The following THEMIS variants were observed in gnomAD, a reference collection of about 807,000 sequenced individuals.
THEMIS encodes the protein protein THEMIS.
Under a neutral mutation model 52.6 loss-of-function variants are expected in THEMIS, and 37 were observed. That is an observed-to-expected ratio of 0.70 (90% confidence interval 0.54 to 0.93). The LOEUF (loss-of-function observed/expected upper bound fraction) is 0.93, where lower values mean the gene tolerates loss of function less well. THEMIS is among the 40% of genes least tolerant of loss of function. The probability of loss-of-function intolerance (pLI) is 0.00; values close to 1 mark genes in which losing one functional copy is unlikely to be tolerated. For missense variants in THEMIS, 808 were observed against 763.1 expected, an observed-to-expected ratio of 1.06 and a Z score of -0.69; for synonymous variants, 292 against 272.7, an observed-to-expected ratio of 1.07 and a Z score of -0.70.
intron 4 of THEMIS, among the ~76,000 whole-genome samples, chr6:127,743,806 T>C (rs1257358930): frequency 6.6e-6 from 1 of 152,090 alleles, no homozygotes; most frequent in Non-Finnish European, 1.5e-5. Context: ...TTGAATACAA[T>C]ATATAAATAG....
intron 5 of THEMIS, among the ~76,000 whole-genome samples, chr6:127,718,733 G>A (rs527707342): frequency 6.6e-6 from 1 of 151,976 alleles, no homozygotes; most frequent in South Asian, 2.1e-4. Context: ...TGCAATATGC[G>A]TGATTTTCAA....
intron 1 of THEMIS, among the ~76,000 whole-genome samples, chr6:127,890,836 T>C (rs1780782424): frequency 6.6e-6 from 1 of 152,104 alleles, no homozygotes; most frequent in Non-Finnish European, 1.5e-5. Context: ...TTCTTTTTTA[T>C]AATTTTATTA....
intron 2 of THEMIS, among the ~76,000 whole-genome samples, chr6:127,838,380 C>A (rs1341328228): frequency 5.3e-5 from 8 of 152,018 alleles, no homozygotes; most frequent in Admixed American, 5.2e-4. Flanking sequence ...ATTTGAATTT[C>A]TTCTAAGCTT....
In THEMIS at chr6:127,830,687, C is replaced by CA. The variant is rs577155316; in HGVS notation, c.251-754dup. ...GGCAACAGAGTGAGACTCTGTCTCT[C>CA]AAAAAAAAATAAAAAATAAAAAATA... is the stretch of plus-strand genomic sequence containing the variant. On this transcript the variant is annotated intron_variant, in intron 2 of 5. Coordinates refer to ENST00000368248, the MANE Select transcript of THEMIS (RefSeq NM_001010923.3). Among the ~76,000 whole-genome samples the CA allele has an allele frequency of 9.9e-3, 1,417 of 143,596 alleles. 11 individuals are homozygous for CA. Among genetic ancestry groups the CA allele is most frequent in the Non-Finnish European group, 0.015 (986 of 65,766 alleles). 94.2% of individuals were successfully genotyped at this position (143,596 alleles called of 152,430 possible). A position where few individuals can be genotyped will look rare whatever the true frequency, so the allele number is the denominator to read the frequency against.
chr6:127,907,728 T>C (rs1048974005), intron 1 of THEMIS, among the ~76,000 whole-genome samples: 5 of 151,998 alleles, frequency 3.3e-5, no homozygotes, highest in African/African-American at 1.2e-4. Context: ...ATAAACAAAA[T>C]CATAGTACAC....
chr6:127,886,929 C>G (rs1671346984), intron 1 of THEMIS, among the ~76,000 whole-genome samples: 1 of 151,862 alleles, frequency 6.6e-6, no homozygotes, highest in African/African-American at 2.4e-5. Context: ...TTGGGGACCC[C>G]CAACAGAAAA....
chr6:127,768,302 C>A lies in THEMIS; in HGVS notation c.1758+44581G>T, dbSNP rs150168182. Among the ~76,000 whole-genome samples the A allele has an allele frequency of 3.4e-3, 519 of 152,280 alleles. 3 individuals carry two copies. The highest frequency in any genetic ancestry group is 0.012 in the African/African-American group (481 of 41,558). On this transcript the variant is annotated intron_variant, in intron 4 of 5. Transcript: ENST00000368248. ...TTCAGCTTCCCTCCCTTCTAACTAA[C>A]TTAAATGCCACACTGTGTTTCCGGA...
Position 127,815,263 on chromosome 6 carries a change from T to C in THEMIS, c.710-1332A>G, listed in dbSNP as rs551034274. 9.2e-5 allele frequency among the ~76,000 whole-genome samples: 14 copies of C among 152,328 alleles called. No homozygotes were observed. In the South Asian group the frequency reaches 2.7e-3, roughly 29 times the overall value. On this transcript the variant is annotated intron_variant, in intron 3 of 5. Transcript: ENST00000368248. ...TAACATAAATTTTATAGCATTTTCA[T>C]GATATGGCATTGATTTTCAATATCT...
At chr6:127,771,435 A>C (rs1562246969) in intron 4 of THEMIS, among the ~76,000 whole-genome samples, 1 of 152,196 alleles carries the variant, frequency 6.6e-6, no homozygotes, top group African/African-American at 2.4e-5. Context: ...TATGGAACCA[A>C]AAAAGAGCCC....
intron 4 of THEMIS, among the ~76,000 whole-genome samples, chr6:127,803,145 A>C (rs1777590905): frequency 6.6e-6 from 1 of 152,080 alleles, no homozygotes; most frequent in Non-Finnish European, 1.5e-5. Flanking sequence ...TAGCTTCCTA[A>C]CTGGTCTCCC....
At chr6:127,833,259 G>T (rs1778762213) in intron 2 of THEMIS, among the ~76,000 whole-genome samples, 1 of 152,000 alleles carries the variant, frequency 6.6e-6, no homozygotes, top group South Asian at 2.1e-4. Flanking sequence ...CTTAGGTTTT[G>T]AGTGAGTTTA....
At chr6:127,802,215 G>A (rs1777559366) in intron 4 of THEMIS, among the ~76,000 whole-genome samples, 1 of 152,172 alleles carries the variant, frequency 6.6e-6, no homozygotes, top group South Asian at 2.1e-4. Flanking sequence ...AGTCACTTTA[G>A]ACCTACTCAT....
chr6:127,793,282 G>C (rs75109394), intron 4 of THEMIS, among the ~76,000 whole-genome samples: 2,576 of 152,234 alleles, frequency 0.017, 76 homozygotes, highest in African/African-American at 0.059. Flanking sequence ...ACAAATAAGG[G>C]AAAACTTTAA....
chr6:127,916,186 T>C (rs1043801523), intron 1 of THEMIS, among the ~76,000 whole-genome samples: 5 of 151,548 alleles, frequency 3.3e-5, no homozygotes, highest in African/African-American at 1.2e-4. Flanking sequence ...TTTTATATTA[T>C]AATTAAATAT....
chr6:127,787,465 A>G (rs1197816753), intron 4 of THEMIS, among the ~76,000 whole-genome samples: 1 of 152,182 alleles, frequency 6.6e-6, no homozygotes, highest in Admixed American at 6.5e-5. Context: ...TTTGCATGGC[A>G]TCACCTTATC....
At chr6:127,892,133 G>A (rs895011352) in intron 1 of THEMIS, among the ~76,000 whole-genome samples, 1 of 152,120 alleles carries the variant, frequency 6.6e-6, no homozygotes, top group Non-Finnish European at 1.5e-5. Flanking sequence ...GGCCTTCAAG[G>A]CCTACAAGGT....
chr6:127,826,010 A>G (rs1778495235), intron 3 of THEMIS, among the ~76,000 whole-genome samples: 1 of 152,198 alleles, frequency 6.6e-6, no homozygotes, highest in African/African-American at 2.4e-5. Flanking sequence ...AACTTATAAT[A>G]TACTGAGAAT....
At position 127,863,132 on chromosome 6, in the gene THEMIS, C is replaced by T. The variant is rs1779861398; in HGVS notation, c.92-7944G>A. 4.6e-5 allele frequency among the ~76,000 whole-genome samples: 7 copies of T among 152,280 alleles called. No homozygotes were observed. In the South Asian group the frequency reaches 1.2e-3, roughly 27 times the overall value. On this transcript the variant is annotated intron_variant, in intron 1 of 5. Coordinates refer to ENST00000368248, the MANE Select transcript of THEMIS (RefSeq NM_001010923.3). ...CAGCTGTCTGAATTGAGGCATAAAA[C>T]TCTAACTTGATAATAATCACAATTG...
intron 1 of THEMIS, among the ~76,000 whole-genome samples, chr6:127,911,950 A>G (rs1781422072): frequency 6.6e-6 from 1 of 151,786 alleles, no homozygotes; most frequent in African/African-American, 2.4e-5. Context: ...AGCCACAGAT[A>G]TTGTGTAGAA....
Sources: allele counts gnomAD v4.1 joint callset (sites outside exome capture counted in the v4.1 genomes callset), GRCh38; gene constraint gnomAD v4.1.1; transcripts MANE v1.5; gene names NCBI Gene and HGNC (gene_info 2026-07-23, HGNC 2026-07-21).